KDM3A: variants seen among roughly 807,000 people sequenced by gnomAD.
KDM3A encodes the protein lysine demethylase 3A.
A neutral mutation model predicts 158.0 loss-of-function variants in KDM3A; 60 were observed. The ratio of observed to expected loss-of-function variants is 0.38; its 90% CI spans 0.31 to 0.47. KDM3A has a LOEUF of 0.47. KDM3A is among the 20% of genes least tolerant of loss of function. The pLI is 0.99. For missense variants in KDM3A, 1,319 were observed against 1,574.3 expected (o/e 0.84, Z 2.74); for synonymous variants, 608 against 549.3 (o/e 1.11, Z -1.49).
chr2:86,474,702 TGTGTGTGTG>T lies in KDM3A; in HGVS notation c.1725-73_1725-65del, dbSNP rs869063759. 700 of 401,064 alleles carry T rather than the reference TGTGTGTGTG, an allele frequency of 1.7e-3. 2 individuals carry two copies. The highest frequency in any genetic ancestry group is 1.6e-3 in the Non-Finnish European group (384 of 238,146). 24.8% of individuals were successfully genotyped at this position (401,064 alleles called of 1,614,324 possible). A position where few individuals can be genotyped will look rare whatever the true frequency, so the allele number is the denominator to read the frequency against. The stretch of plus-strand genomic sequence containing the variant: ...AAGTAATTACAAGTTGTAAATAAGT[TGTGTGTGTG>T]TGTGTGTGTGTGTGTGTGTGTGTGT... On this transcript the variant is annotated intron_variant, in intron 11 of 25. Coordinates refer to ENST00000312912, the MANE Select transcript of KDM3A (RefSeq NM_018433.6).
chr2:86,455,109 C>T lies in KDM3A; in HGVS notation c.478C>T (p.Leu160Phe), dbSNP rs1221368046. 1.3e-6 allele frequency: 2 copies of T among 1,597,674 alleles called. No homozygotes were observed. The highest frequency in any genetic ancestry group is 1.4e-5 in the African/African-American group (1 of 73,772). The change falls in exon 5 of 26, where the codon CTT becomes TTT. Residue 160 changes from leucine to phenylalanine, a missense_variant. Leu to Phe is a conservative substitution (Grantham distance 22, BLOSUM62 0). Transcript: ENST00000312912. The stretch of plus-strand genomic sequence containing the variant: ...GGATGTAAACAGTCTTCGACTTTCT[C>T]TTACGGATAATCAGATTGTCAGTAA... ...IQDVNSLRLSLTDNQIVSKEF... is the reference protein window; with the variant it reads ...IQDVNSLRLSFTDNQIVSKEF...
chr2:86,489,397 C>G lies in KDM3A; in HGVS notation c.3393C>G (p.Val1131=). 1 of 1,613,970 alleles carries G rather than the reference C, an allele frequency of 6.2e-7. No homozygotes were observed. Among genetic ancestry groups the G allele is most frequent in the Non-Finnish European group, 8.5e-7 (1 of 1,179,960 alleles). The change falls in exon 22 of 26, where the codon GTC becomes GTG. Residue 1131 remains valine, a synonymous_variant. Transcript: ENST00000312912. ...LDVSDAANVM[V]YVGIPKGQCE... is the part of the protein sequence containing the mutation. ...TATCTGATGCAGCTAATGTCATGGT[C>G]TATGTGGGAATTCCCAAAGGACAGT... is the stretch of plus-strand genomic sequence containing the variant.
At chr2:86,448,495 TAAC>T (rs1336802124) in intron 2 of KDM3A, among the ~76,000 whole-genome samples, 3 of 152,192 alleles carry the variant, frequency 2.0e-5, no homozygotes, top group East Asian at 1.9e-4. Flanking sequence ...GTCAATCAGT[TAAC>T]AAATAAATAA....
At chr2:86,469,677 A>G (rs772841325) in intron 10 of KDM3A, among the ~76,000 whole-genome samples, 5 of 152,212 alleles carry the variant, frequency 3.3e-5, no homozygotes, top group Admixed American at 2.0e-4. Context: ...GGCATTTAGA[A>G]GATGCTCTAA....
At chr2:86,484,641 GCTT>G in intron 19 of KDM3A, 1 of 306,432 alleles carries the variant, frequency 3.3e-6, no homozygotes, top group South Asian at 5.2e-5. Flanking sequence ...AGCTTAATAA[GCTT>G]CTAGGAAAGA....
chr2:86,458,694 G>A (rs1672805594), intron 8 of KDM3A, among the ~76,000 whole-genome samples: 1 of 152,150 alleles, frequency 6.6e-6, no homozygotes, highest in African/African-American at 2.4e-5. Context: ...CAGGGAGGAC[G>A]TGTCTTGTTT....
chr2:86,489,500 GCTTTCTCTT>G lies in KDM3A; in HGVS notation c.3434-16_3434-8del. 1 of 1,611,560 alleles carries G rather than the reference GCTTTCTCTT, an allele frequency of 6.2e-7. No homozygotes were observed. The highest frequency in any genetic ancestry group is 8.5e-7 in the Non-Finnish European group (1 of 1,178,846). On this transcript the variant is annotated splice_polypyrimidine_tract_variant and intron_variant, in intron 22 of 25. Transcript: ENST00000312912. ...AGCCAGGGCTTGTGGTCTGATATCT[GCTTTCTCTT>G]CTTGCTCTAGAAGTCCTTAAGACCA... is the stretch of plus-strand genomic sequence containing the variant.
At chr2:86,475,044 C>CT in intron 12 of KDM3A, 54 bp downstream of exon 12, 1 of 1,388,128 alleles carries the variant, frequency 7.2e-7, no homozygotes, top group South Asian at 1.2e-5. Flanking sequence ...ATTTTTGTTC[C>CT]TAAGTGACAC....
At chr2:86,452,170 G>A (rs1322996499) in intron 4 of KDM3A, among the ~76,000 whole-genome samples, 1 of 147,736 alleles carries the variant, frequency 6.8e-6, no homozygotes, top group Non-Finnish European at 1.5e-5. Context: ...GCTTTTTGCA[G>A]TCTATTTAGT....
intron 3 of KDM3A, 124 bp from the exon 4 acceptor site, chr2:86,450,979 C>T: frequency 5.2e-6 from 3 of 580,552 alleles, no homozygotes; most frequent in South Asian, 2.5e-5. Context: ...TATGAGATAA[C>T]TTGCAGTAAA....
chr2:86,456,705 A>G (rs1275620053), intron 6 of KDM3A, 100 bp from the exon 7 acceptor site: 2 of 1,276,686 alleles, frequency 1.6e-6, no homozygotes, highest in Non-Finnish European at 2.2e-6. Flanking sequence ...AAAAGAAATT[A>G]TTCATAAGAA....
At chr2:86,451,323 C>T in intron 4 of KDM3A, 110 bp downstream of exon 4, 1 of 609,500 alleles carries the variant, frequency 1.6e-6, no homozygotes, top group East Asian at 2.9e-5. Context: ...TGGATGCCTA[C>T]TCCTTGCACA....
intron 3 of KDM3A, among the ~76,000 whole-genome samples, 197 bp from the exon 4 acceptor site, chr2:86,450,906 A>G (rs1398583046): frequency 6.6e-6 from 1 of 152,140 alleles, no homozygotes; most frequent in East Asian, 1.9e-4. Context: ...CCAAATGTCT[A>G]TCTGGTTTAA....
At chr2:86,445,160 C>T (rs558705112) in intron 2 of KDM3A, among the ~76,000 whole-genome samples, 1 of 152,062 alleles carries the variant, frequency 6.6e-6, no homozygotes, top group South Asian at 2.1e-4. Flanking sequence ...TTTTGCTAGC[C>T]TCTATATCCC....
chr2:86,440,441 G>C (rs1682633732), upstream of KDM3A, among the ~76,000 whole-genome samples: 1 of 152,010 alleles, frequency 6.6e-6, no homozygotes, highest in Non-Finnish European at 1.5e-5. Flanking sequence ...AAATACTTCA[G>C]GTCCAGAGCA....
chr2:86,444,287 C>A (rs553270034), intron 2 of KDM3A, among the ~76,000 whole-genome samples: 2 of 152,284 alleles, frequency 1.3e-5, no homozygotes, highest in African/African-American at 4.8e-5. Flanking sequence ...TGGTGCCTAA[C>A]CTGAAGACAA....
chr2:86,437,960 T>C (rs1313852622), upstream of KDM3A, among the ~76,000 whole-genome samples: 5 of 152,170 alleles, frequency 3.3e-5, no homozygotes, highest in East Asian at 1.9e-4. Context: ...AATGTTTACA[T>C]TGTATTATTT....
chr2:86,491,306 T>C (rs767249873), intron 25 of KDM3A, 31 bp downstream of exon 25: 5 of 1,603,306 alleles, frequency 3.1e-6, no homozygotes, highest in Non-Finnish European at 4.3e-6. Context: ...TAGCATTCTT[T>C]GGCTATGGCT....
intron 16 of KDM3A, among the ~76,000 whole-genome samples, chr2:86,481,078 A>G (rs1478087161): frequency 6.6e-6 from 1 of 152,228 alleles, no homozygotes; most frequent in Admixed American, 6.5e-5. Context: ...CTGACATTCA[A>G]AAATGTAGAA....
Sources: allele counts gnomAD v4.1 joint callset (sites outside exome capture counted in the v4.1 genomes callset), GRCh38; gene constraint gnomAD v4.1.1; transcripts MANE v1.5; gene names NCBI Gene and HGNC (gene_info 2026-07-23, HGNC 2026-07-21).